The following HERC1 variants were observed in gnomAD, a reference collection of about 807,000 sequenced individuals.
The protein encoded by HERC1 is probable E3 ubiquitin-protein ligase HERC1.
A neutral mutation model predicts 554.3 loss-of-function variants in HERC1; 160 were observed. The observed-to-expected ratio is 0.29, with a 90% CI of 0.25 to 0.33. The LOEUF (loss-of-function observed/expected upper bound fraction) is 0.33. HERC1 is among the 10% of genes least tolerant of loss of function. The pLI is 1.00. For missense variants in HERC1, 4,919 were observed against 5,918.5 expected, an observed-to-expected ratio of 0.83 and a Z score of 5.54; for synonymous variants, 2,175 against 2,131.7, an observed-to-expected ratio of 1.02 and a Z score of -0.56.
At chr15:63,708,774 C>T (rs958890834) in intron 24 of HERC1, among the ~76,000 whole-genome samples, 3 of 152,020 alleles carry the variant, frequency 2.0e-5, no homozygotes, top group African/African-American at 4.8e-5. Flanking sequence ...CTTAAATAAC[C>T]TCATATAGTA....
intron 1 of HERC1, among the ~76,000 whole-genome samples, chr15:63,799,545 T>G (rs1202681468): frequency 6.6e-6 from 1 of 151,872 alleles, no homozygotes; most frequent in African/African-American, 2.4e-5. Context: ...ATTGATCCTT[T>G]CTGCCAGTAT....
chr15:63,790,652 G>A (rs1227783474), intron 1 of HERC1, among the ~76,000 whole-genome samples: 1 of 152,034 alleles, frequency 6.6e-6, no homozygotes, highest in African/African-American at 2.4e-5. Flanking sequence ...GATAGTGATT[G>A]CCCAGGGGGT....
In HERC1 at chr15:63,755,275, C is replaced by T; in HGVS notation, c.1584G>A (p.Glu528=). The change falls in exon 6 of 78, where the codon GAG becomes GAA. Residue 528 remains glutamate (E), a synonymous_variant. Coordinates refer to ENST00000443617, the MANE Select transcript of HERC1 (RefSeq NM_003922.4). ...AGYRHSAAVT[E]DGELYTWGEG... is the part of the protein sequence containing the mutation. ...CACCCCATGTGTATAATTCCCCATC[C>T]TCTGTGACAGCAGCACTATGTCTGT... The T allele has an allele frequency of 1.2e-6, 2 of 1,613,920 alleles. No homozygotes were observed. The highest frequency in any genetic ancestry group is 1.1e-5 in the South Asian group (1 of 91,082).
intron 3 of HERC1, among the ~76,000 whole-genome samples, chr15:63,763,237 A>G (rs536702352): frequency 1.3e-5 from 2 of 152,378 alleles, no homozygotes; most frequent in South Asian, 4.1e-4. Context: ...CGATAGAATT[A>G]GAATATCATA....
rs75407582 is a variant in HERC1 at position 63,722,958 on chromosome 15, C to T, written c.3742+224G>A. 1.3e-3 allele frequency among the ~76,000 whole-genome samples: 197 copies of T among 151,988 alleles called. 2 individuals are homozygous for T. Among genetic ancestry groups the T allele is most frequent in the African/African-American group, 4.7e-3 (195 of 41,436 alleles). ...TTACCTATAAATGTATTATATAAAT[C>T]TCAATTTTCACACAGTAGGTTTAAG... On this transcript the variant is annotated intron_variant, in intron 19 of 77. Coordinates refer to ENST00000443617, the MANE Select transcript of HERC1 (RefSeq NM_003922.4).
rs202100265 is a variant in HERC1, at chr15:63,725,370, G to C, written c.3490C>G (p.Pro1164Ala). Residue 1164 changes from proline (P) to alanine (A), a missense_variant, in exon 18 of 78, where the codon CCA becomes GCA. Around this residue, in one of 11 missense-constraint regions of HERC1, gnomAD observed 1,121 missense variants for 1,244.0 expected, o/e 0.90. Transcript: ENST00000443617. Reference protein sequence around the residue: ...GGMLQGSPVSPEEQDTAYWMK... With the variant: ...GGMLQGSPVSAEEQDTAYWMK... Reference sequence around the variant, plus strand: ...CAATATGCAGTGTCCTGTTCCTCTGGAGACACAGGGGAGCCCTGAAGCATG... The same window carrying C: ...CAATATGCAGTGTCCTGTTCCTCTGCAGACACAGGGGAGCCCTGAAGCATG... The C allele has an allele frequency of 3.7e-6, 6 of 1,613,678 alleles. No homozygotes were observed. The highest frequency in any genetic ancestry group is 5.1e-6 in the Non-Finnish European group (6 of 1,179,844).
At chr15:63,736,136 C>T (rs138008572) in intron 12 of HERC1, among the ~76,000 whole-genome samples, 2 of 152,264 alleles carry the variant, frequency 1.3e-5, no homozygotes, top group African/African-American at 2.4e-5. Context: ...ACTTAAAAGA[C>T]CTGAAATGGC....
chr15:63,638,276 TATATC>T, intron 63 of HERC1, 130 bp downstream of exon 63: 1 of 911,996 alleles, frequency 1.1e-6, no homozygotes, highest in Non-Finnish European at 1.7e-6. Flanking sequence ...TTGAAAGCTA[TATATC>T]ATGACTTTCT....
chr15:63,716,405 T>G lies in HERC1; in HGVS notation c.4047A>C (p.Glu1349Asp). ...QEHSFTRTID[E>D]EAEMEEQAER... ...CAGCCTGTTCTTCCATTTCAGCTTCTTCATCAATAGTTCGAGTAAATGAAT... is the reference window on the plus strand; with the variant it reads ...CAGCCTGTTCTTCCATTTCAGCTTCGTCATCAATAGTTCGAGTAAATGAAT... Residue 1349 changes from glutamate to aspartate, a missense_variant, in exon 22 of 78, where the codon GAA becomes GAC. Transcript: ENST00000443617. 1 of 1,613,862 alleles carries G rather than the reference T, an allele frequency of 6.2e-7. No homozygotes were observed. Among genetic ancestry groups the G allele is most frequent in the Non-Finnish European group, 8.5e-7 (1 of 1,179,808 alleles).
chr15:63,630,715 T>C, intron 68 of HERC1, 80 bp from the exon 69 acceptor site: 1 of 1,409,296 alleles, frequency 7.1e-7, no homozygotes, highest in Non-Finnish European at 9.6e-7. Context: ...GATCAGTCAT[T>C]TAGCTTATTA....
intron 25 of HERC1, among the ~76,000 whole-genome samples, chr15:63,700,884 T>C (rs1366919825): frequency 6.6e-6 from 1 of 151,864 alleles, no homozygotes; most frequent in Non-Finnish European, 1.5e-5. Flanking sequence ...TTAAAAATAT[T>C]TAAAGAATAA....
chr15:63,759,286 C>T lies in HERC1; in HGVS notation c.1027-917G>A, dbSNP rs753210876. 1.4e-4 allele frequency among the ~76,000 whole-genome samples: 22 copies of T among 152,226 alleles called. 1 individual carries two copies. Among genetic ancestry groups the T allele is most frequent in the Admixed American group, 1.4e-3 (21 of 15,296 alleles). ...TTCTAAAAACAGCGAAGGCACAAAG[C>T]AATTAACATTCACACGTATATCTGA... On this transcript the variant is annotated intron_variant, in intron 3 of 77. Transcript: ENST00000443617.
rs559574246 is a variant in HERC1 at position 63,664,378 on chromosome 15, G to A, written c.8680+92C>T. 7 of 1,133,104 alleles carry A rather than the reference G, an allele frequency of 6.2e-6. No homozygotes were observed. In the Admixed American group the frequency reaches 1.4e-4, roughly 23 times the overall value. The allele number at this position is 1,133,104 out of a possible 1,614,324, so 70.2% of individuals were successfully genotyped here. On this transcript the variant is annotated intron_variant, in intron 43 of 77. Transcript: ENST00000443617. ...TTAATGTGGAGGGACTGAGCACTTA[G>A]TATCATTAGTTTGAATCTTCTTTAA...
intron 2 of HERC1, among the ~76,000 whole-genome samples, chr15:63,773,645 G>A (rs993501929): frequency 7.3e-5 from 11 of 151,426 alleles, no homozygotes; most frequent in African/African-American, 2.7e-4. Flanking sequence ...CTGGGTTCAA[G>A]CAATTCTCCT....
intron 47 of HERC1, 70 bp from the exon 48 acceptor site, chr15:63,658,788 T>A (rs953217161): frequency 2.4e-6 from 3 of 1,264,226 alleles, no homozygotes; most frequent in Non-Finnish European, 3.3e-6. Context: ...CTAAAAACAT[T>A]TCCTATTCTA....
At chr15:63,741,025 GT>G (rs796687670) in intron 12 of HERC1, among the ~76,000 whole-genome samples, 10 of 146,572 alleles carry the variant, frequency 6.8e-5, no homozygotes, top group East Asian at 2.0e-4. Context: ...CATCTATGTT[GT>G]TTTTTTTTTT....
In HERC1 at chr15:63,714,783, G is replaced by A. The variant is rs535149249; in HGVS notation, c.4151-1118C>T. The stretch of plus-strand genomic sequence containing the variant: ...AGTCTGGTCTCGAACTCCTGACCTC[G>A]TGATCCGCCTGCCTCGGCCTCCCAA... On this transcript the variant is annotated intron_variant, in intron 22 of 77. Coordinates refer to ENST00000443617, the MANE Select transcript of HERC1 (RefSeq NM_003922.4). Among the ~76,000 whole-genome samples, 320 of 151,812 alleles carry A rather than the reference G, an allele frequency of 2.1e-3. 1 individual carries two copies. Among genetic ancestry groups the A allele is most frequent in the Non-Finnish European group, 3.3e-3 (222 of 67,898 alleles).
intron 21 of HERC1, among the ~76,000 whole-genome samples, chr15:63,716,921 A>G (rs902436246): frequency 3.6e-4 from 55 of 151,982 alleles, no homozygotes; most frequent in African/African-American, 1.3e-3. Flanking sequence ...ATTGGTTTTA[A>G]TTTTTTTTCT....
chr15:63,749,501 C>A lies in HERC1; in HGVS notation c.2085G>T (p.Gly695=), dbSNP rs2075166910. The A allele has an allele frequency of 6.2e-7, 1 of 1,613,152 alleles. No individual in the cohort carries two copies. Among genetic ancestry groups the A allele is most frequent in the Non-Finnish European group, 8.5e-7 (1 of 1,179,456 alleles). ...EVYAWGNNSM[G]QCGQGNSTGP... The stretch of plus-strand genomic sequence containing the variant: ...CTGTGGAATTTCCCTGACCACATTG[C>A]CCCATTGAGTTATTGCCCCAGGCAT... Residue 695 remains glycine (G), a synonymous_variant, in exon 10 of 78, where the codon GGG becomes GGT. Coordinates refer to ENST00000443617, the MANE Select transcript of HERC1 (RefSeq NM_003922.4). The surrounding 1 kb of genome is among the most constrained non-coding windows in gnomAD (Gnocchi z 4.1).
Sources: gnomAD v4.1 joint callset for allele counts (sites outside exome capture counted in the v4.1 genomes callset) on GRCh38, gnomAD v4.1.1 for gene constraint, gnomAD v4.1.1 regional missense constraint, Gnocchi (gnomAD v3.1) non-coding constraint, MANE v1.5 for transcripts, NCBI Gene and HGNC (gene_info 2026-07-23, HGNC 2026-07-21) for gene names.